The following NPAS3 variants were observed in gnomAD, a reference collection of about 807,000 sequenced individuals.
The protein encoded by NPAS3 is neuronal PAS domain protein 3, also known as neuronal PAS domain-containing protein 3.
A neutral mutation model predicts 73.1 loss-of-function variants in NPAS3; 14 were observed. That is an observed-to-expected ratio of 0.19 (90% CI 0.13 to 0.30). NPAS3 has a LOEUF of 0.30. NPAS3 is among the 10% of genes least tolerant of loss of function. The pLI is 1.00. For synonymous variants in NPAS3, 620 were observed against 541.5 expected (o/e 1.14, Z -2.01); for missense variants, 1,096 against 1,250.0 (o/e 0.88, Z 1.86).
At chr14:33,410,923 G>A (rs1414826102) in intron 4 of NPAS3, among the ~76,000 whole-genome samples, 1 of 152,170 alleles carries the variant, frequency 6.6e-6, no homozygotes, top group Non-Finnish European at 1.5e-5. Context: ...TGGGATTACA[G>A]GAGTGAGCCA....
intron 1 of NPAS3, among the ~76,000 whole-genome samples, chr14:32,982,842 G>A (rs1355044757): frequency 2.0e-5 from 3 of 152,150 alleles, no homozygotes; most frequent in African/African-American, 7.2e-5. Context: ...GGTGGAGGCG[G>A]AGTTAAAACT....
At chr14:33,009,971 C>T (rs908757788) in intron 1 of NPAS3, among the ~76,000 whole-genome samples, 4 of 152,104 alleles carry the variant, frequency 2.6e-5, no homozygotes, top group South Asian at 4.1e-4. Context: ...TCATTGCATT[C>T]GTTCCACGAT....
At chr14:33,002,741 T>C (rs541406768) in intron 1 of NPAS3, among the ~76,000 whole-genome samples, 1 of 152,310 alleles carries the variant, frequency 6.6e-6, no homozygotes, top group South Asian at 2.1e-4. Context: ...GAATGATGAT[T>C]TGAATGACTG....
intron 2 of NPAS3, among the ~76,000 whole-genome samples, chr14:33,061,053 G>C (rs1359595647): frequency 6.6e-6 from 1 of 152,200 alleles, no homozygotes; most frequent in East Asian, 1.9e-4. Flanking sequence ...AGTGAAGAAG[G>C]AGGGAACGTG....
intron 6 of NPAS3, among the ~76,000 whole-genome samples, chr14:33,709,754 A>T (rs1347027048): frequency 6.6e-6 from 1 of 152,202 alleles, no homozygotes. Context: ...GGCTGTTCTA[A>T]TTACAAACCC....
chr14:33,515,932 A>G (rs563158266), intron 4 of NPAS3, among the ~76,000 whole-genome samples: 1 of 152,264 alleles, frequency 6.6e-6, no homozygotes, highest in East Asian at 1.9e-4. Context: ...ACATGGATGC[A>G]TTACTGCATG....
intron 4 of NPAS3, among the ~76,000 whole-genome samples, chr14:33,555,815 T>G (rs1238661137): frequency 6.6e-6 from 1 of 152,158 alleles, no homozygotes; most frequent in African/African-American, 2.4e-5. Context: ...GACATTGATC[T>G]GAGACTATAG....
At chr14:33,517,692 G>A (rs896916480) in intron 4 of NPAS3, among the ~76,000 whole-genome samples, 4 of 151,930 alleles carry the variant, frequency 2.6e-5, no homozygotes, top group East Asian at 1.9e-4. Context: ...GTCATGCCCC[G>A]CAGCACCTAG....
intron 2 of NPAS3, among the ~76,000 whole-genome samples, chr14:33,115,966 G>T (rs2043051052): frequency 6.6e-6 from 1 of 151,890 alleles, no homozygotes; most frequent in South Asian, 2.1e-4. Context: ...AGACTCCAAG[G>T]TCCCTCACGA....
intron 5 of NPAS3, among the ~76,000 whole-genome samples, chr14:33,616,747 G>T (rs2057931776): frequency 6.6e-6 from 1 of 152,178 alleles, no homozygotes; most frequent in Non-Finnish European, 1.5e-5. Flanking sequence ...ATTTGACAAT[G>T]ACTGGTGATT....
chr14:33,027,558 A>G (rs1425081272), intron 1 of NPAS3, among the ~76,000 whole-genome samples: 1 of 152,188 alleles, frequency 6.6e-6, no homozygotes, highest in Non-Finnish European at 1.5e-5. Flanking sequence ...CTTGTAGCCC[A>G]GCTTCCACTT....
chr14:33,114,333 G>A (rs368528151), intron 2 of NPAS3, among the ~76,000 whole-genome samples: 4 of 152,218 alleles, frequency 2.6e-5, no homozygotes, highest in African/African-American at 7.2e-5. Context: ...ACCATGCCCA[G>A]CCTAGTTCCT....
intron 1 of NPAS3, among the ~76,000 whole-genome samples, chr14:33,027,584 G>A (rs2039851637): frequency 6.6e-6 from 1 of 152,052 alleles, no homozygotes; most frequent in Non-Finnish European, 1.5e-5. Context: ...TGGCAGCTTG[G>A]AGATCCCATT....
chr14:33,028,293 A>G (rs1019977796), intron 1 of NPAS3, among the ~76,000 whole-genome samples: 1 of 152,338 alleles, frequency 6.6e-6, no homozygotes, highest in Non-Finnish European at 1.5e-5. Context: ...AGTGTCATTC[A>G]TTGACATTTT....
At chr14:33,430,135 A>G (rs1317116165) in intron 4 of NPAS3, among the ~76,000 whole-genome samples, 1 of 152,170 alleles carries the variant, frequency 6.6e-6, no homozygotes, top group Non-Finnish European at 1.5e-5. Context: ...TTGTAAAATA[A>G]AAGGTGCTTG....
intron 3 of NPAS3, among the ~76,000 whole-genome samples, chr14:33,319,669 T>C (rs2043354309): frequency 6.6e-6 from 1 of 152,070 alleles, no homozygotes; most frequent in Non-Finnish European, 1.5e-5. Flanking sequence ...CAATCTAAAG[T>C]GTACAGAGTG....
intron 4 of NPAS3, among the ~76,000 whole-genome samples, chr14:33,462,546 C>T (rs533730645): frequency 2.6e-5 from 4 of 152,262 alleles, no homozygotes; most frequent in South Asian, 4.1e-4. Context: ...GGAAGGGTAA[C>T]GGGGAGCAGA....
intron 5 of NPAS3, among the ~76,000 whole-genome samples, chr14:33,611,776 C>T (rs2057756663): frequency 6.6e-6 from 1 of 152,066 alleles, no homozygotes; most frequent in African/African-American, 2.4e-5. Flanking sequence ...AAATTGGCCA[C>T]ATTGTATTGC....
intron 5 of NPAS3, among the ~76,000 whole-genome samples, chr14:33,666,274 C>T (rs1467500075): frequency 6.6e-6 from 1 of 152,164 alleles, no homozygotes; most frequent in Non-Finnish European, 1.5e-5. Context: ...AGCTCCAGTG[C>T]AGTTAAAACC....
Sources: allele counts gnomAD v4.1 joint callset (sites outside exome capture counted in the v4.1 genomes callset), GRCh38; gene constraint gnomAD v4.1.1; transcripts MANE v1.5; gene names NCBI Gene and HGNC (gene_info 2026-07-23, HGNC 2026-07-21).